The following TOGARAM2 variants were observed in gnomAD, a reference collection of about 807,000 sequenced individuals.
TOGARAM2 encodes the protein TOG array regulator of axonemal microtubules protein 2.
In TOGARAM2, 85 loss-of-function variants were observed where a neutral mutation model predicts 93.3. The ratio of observed to expected loss-of-function variants is 0.91; its 90% CI spans 0.76 to 1.09. The LOEUF (loss-of-function observed/expected upper bound fraction) is 1.09. TOGARAM2 is among the 50% of genes least tolerant of loss of function. TOGARAM2 has a pLI of 0.00. For synonymous variants in TOGARAM2, 593 were observed against 552.8 expected, an observed-to-expected ratio of 1.07 and a Z score of -1.02; for missense variants, 1,277 against 1,334.5, an observed-to-expected ratio of 0.96 and a Z score of 0.67.
At chr2:28,989,819 C>G (rs1462774223) in intron 1 of TOGARAM2, among the ~76,000 whole-genome samples, 1 of 152,268 alleles carries the variant, frequency 6.6e-6, no homozygotes, top group Non-Finnish European at 1.5e-5. Context: ...AGTATTTCCA[C>G]TTTGCAGTTA....
At chr2:29,029,416 T>C (rs1170543500) in intron 14 of TOGARAM2, among the ~76,000 whole-genome samples, 1 of 152,180 alleles carries the variant, frequency 6.6e-6, no homozygotes, top group Non-Finnish European at 1.5e-5. Flanking sequence ...CATCGTATGT[T>C]GTCACTCATA....
At position 29,024,352 on chromosome 2, in the gene TOGARAM2, G is replaced by T; in HGVS notation, c.1831G>T (p.Val611Phe). 3.1e-6 allele frequency: 5 copies of T among 1,610,238 alleles called. No homozygotes were observed. The highest frequency in any genetic ancestry group is 4.2e-6 in the Non-Finnish European group (5 of 1,178,352). ...TGTGACCCTTGCCCGCTCCCTGGTGGTCCTCACCTCGGCGGGTGTCTAGTA... is the reference window on the plus strand; with the variant it reads ...TGTGACCCTTGCCCGCTCCCTGGTGTTCCTCACCTCGGCGGGTGTCTAGTA... ...ENVTLARSLV[V>F]LTSAGVYHRN... The change falls in exon 13 of 20, where the codon GTC becomes TTC. Residue 611 changes from valine (V) to phenylalanine (F), a missense_variant. Transcript: ENST00000379558.
chr2:28,990,783 G>A (rs1441362974), intron 1 of TOGARAM2, among the ~76,000 whole-genome samples: 2 of 151,984 alleles, frequency 1.3e-5, no homozygotes, highest in African/African-American at 4.8e-5. Context: ...GACAGCATTC[G>A]CTTAGAAATG....
chr2:29,045,000 A>G (rs1447591342), intron 18 of TOGARAM2, among the ~76,000 whole-genome samples: 5 of 151,800 alleles, frequency 3.3e-5, no homozygotes, highest in Admixed American at 2.0e-4. Context: ...TCTGTCATCT[A>G]TCTACCTACC....
chr2:28,980,728 T>C (rs141818001), upstream of TOGARAM2, among the ~76,000 whole-genome samples: 832 of 152,360 alleles, frequency 5.5e-3, 12 homozygotes, highest in African/African-American at 0.019. Flanking sequence ...ACAGGCTTTC[T>C]GCTCTGCAAG....
At chr2:28,974,592 C>T (rs530098090) in intron 1 of TOGARAM2, among the ~76,000 whole-genome samples, 4 of 151,940 alleles carry the variant, frequency 2.6e-5, no homozygotes, top group African/African-American at 7.2e-5. Flanking sequence ...GTCCCACGGT[C>T]CCTGGGGCTC....
chr2:29,024,657 A>G (rs2148351838), intron 13 of TOGARAM2, among the ~76,000 whole-genome samples: 1 of 152,274 alleles, frequency 6.6e-6, no homozygotes, highest in South Asian at 2.1e-4. Context: ...CTTCTCTCCC[A>G]ACCTTTCATC....
At chr2:28,971,975 T>G (rs1376879947) in intron 1 of TOGARAM2, among the ~76,000 whole-genome samples, 1 of 152,194 alleles carries the variant, frequency 6.6e-6, no homozygotes, top group Non-Finnish European at 1.5e-5. Flanking sequence ...TCATATAGAT[T>G]TGGAAATTGC....
chr2:28,958,593 C>G (rs942768859), intron 1 of TOGARAM2, among the ~76,000 whole-genome samples: 1 of 152,194 alleles, frequency 6.6e-6, no homozygotes, highest in Non-Finnish European at 1.5e-5. Context: ...TGAGCCACTA[C>G]AGCGGGCTGA....
At chr2:28,983,782 A>G (rs12467459) in intron 1 of TOGARAM2, among the ~76,000 whole-genome samples, 76,679 of 151,992 alleles carry the variant, frequency 0.5, 19,724 homozygotes, top group East Asian at 0.8. Flanking sequence ...GCCAGCTGTC[A>G]TGAGTGCTCC....
chr2:29,052,075 C>A lies in TOGARAM2; in HGVS notation c.3042C>A (p.Tyr1014Ter), dbSNP rs191677247. The change falls in exon 20 of 20, where the codon TAC (tyrosine) becomes TAA (stop). Residue 1014 changes from tyrosine (Y) to a stop codon, truncating the protein, a stop_gained. Transcript: ENST00000379558. LOFTEE classifies it high-confidence loss of function. ...APDSKTTGSSYPFQLD is the reference protein window; with the variant it reads ...APDSKTTGSS ...ACAGCAAGACAACTGGCAGCTCATA[C>A]CCTTTTCAGCTGGATTAAAGATGGA... The A allele has an allele frequency of 2.6e-5, 41 of 1,577,764 alleles. No homozygotes were observed. Among genetic ancestry groups the A allele is most frequent in the Non-Finnish European group, 3.5e-5 (41 of 1,158,978 alleles).
intron 13 of TOGARAM2, among the ~76,000 whole-genome samples, chr2:29,025,202 G>A (rs1665273052): frequency 6.6e-6 from 1 of 152,072 alleles, no homozygotes; most frequent in Non-Finnish European, 1.5e-5. Flanking sequence ...CATCCTGATT[G>A]TCACTTCACT....
intron 1 of TOGARAM2, among the ~76,000 whole-genome samples, chr2:28,957,008 C>T (rs549270333): frequency 6.6e-6 from 1 of 151,874 alleles, no homozygotes; most frequent in East Asian, 2.0e-4. Context: ...ATCTGTAATC[C>T]CAGGAGAATT....
In TOGARAM2 at chr2:29,009,818, G is replaced by A. The variant is rs1163838637; in HGVS notation, c.831-1637G>A. Among the ~76,000 whole-genome samples the A allele has an allele frequency of 5.3e-5, 8 of 152,110 alleles. No individual in the cohort carries two copies. In the East Asian group the frequency reaches 5.8e-4, roughly 11 times the overall value. On this transcript the variant is annotated intron_variant, in intron 6 of 19. Transcript: ENST00000379558. ...TTGGGGCCTGCGGAGGAGCCTGAGC[G>A]GTGGTGGGTTTTCTGTGAGGTTCGC...
At chr2:29,008,046 G>A (rs1663995914) in intron 6 of TOGARAM2, among the ~76,000 whole-genome samples, 1 of 152,130 alleles carries the variant, frequency 6.6e-6, no homozygotes, top group African/African-American at 2.4e-5. Flanking sequence ...ATCCAGCCCA[G>A]GGACTGCCTC....
intron 1 of TOGARAM2, among the ~76,000 whole-genome samples, chr2:28,958,924 G>A (rs1671761636): frequency 6.6e-6 from 1 of 152,196 alleles, no homozygotes; most frequent in Admixed American, 6.5e-5. Flanking sequence ...CTGCGCGCCA[G>A]CCCTCTGGGA....
chr2:28,996,686 G>T (rs1673004304), intron 2 of TOGARAM2, among the ~76,000 whole-genome samples: 1 of 151,584 alleles, frequency 6.6e-6, no homozygotes, highest in Admixed American at 6.6e-5. Context: ...AGCTGGGCAT[G>T]GTGGCAGGTG....
intron 1 of TOGARAM2, among the ~76,000 whole-genome samples, chr2:28,958,066 A>G (rs528275675): frequency 1.3e-5 from 2 of 152,236 alleles, no homozygotes; most frequent in South Asian, 4.1e-4. Flanking sequence ...TGATTTTAGG[A>G]TTTGAGGGAG....
chr2:28,966,035 T>G (rs1016061908), intron 1 of TOGARAM2, among the ~76,000 whole-genome samples: 1 of 152,196 alleles, frequency 6.6e-6, no homozygotes, highest in African/African-American at 2.4e-5. Flanking sequence ...TATTTTTTTT[T>G]TTTTGAGACA....
Sources: allele counts gnomAD v4.1 joint callset (sites outside exome capture counted in the v4.1 genomes callset), GRCh38; gene constraint gnomAD v4.1.1; transcripts MANE v1.5; gene names NCBI Gene and HGNC (gene_info 2026-07-23, HGNC 2026-07-21).